CYP7B1: variants seen among roughly 807,000 people sequenced by gnomAD.
CYP7B1 encodes cytochrome P450 family 7 subfamily B member 1.
CYP7B1 carries 29 observed loss-of-function variants against 42.7 expected under a neutral mutation model. That is an observed-to-expected ratio of 0.68 (90% confidence interval 0.51 to 0.93). CYP7B1 has a LOEUF of 0.93. Among genes scored for constraint, CYP7B1 ranks in the 40% least tolerant of loss-of-function variants. CYP7B1 has a pLI of 0.00. For missense variants in CYP7B1, 655 were observed against 600.5 expected, an observed-to-expected ratio of 1.09 and a Z score of -0.95; for synonymous variants, 235 against 218.2, an observed-to-expected ratio of 1.08 and a Z score of -0.68.
chr8:64,713,646 T>C (rs1177368281), intron 1 of CYP7B1, among the ~76,000 whole-genome samples: 1 of 151,666 alleles, frequency 6.6e-6, no homozygotes, highest in African/African-American at 2.4e-5. Flanking sequence ...CTTGAAGAAA[T>C]AGCAACAGAA....
intron 1 of CYP7B1, among the ~76,000 whole-genome samples, chr8:64,646,456 T>A (rs1299364436): frequency 6.6e-6 from 1 of 152,202 alleles, no homozygotes; most frequent in African/African-American, 2.4e-5. Context: ...TCTTAAAGGC[T>A]GTAGGATTTC....
Position 64,760,470 on chromosome 8 carries a change from A to G in CYP7B1, c.122+37996T>C, listed in dbSNP as rs571936725. Among the ~76,000 whole-genome samples, 25 of 152,276 alleles carry G rather than the reference A, an allele frequency of 1.6e-4. No homozygotes were observed. The South Asian group carries it at 4.8e-3, about 29-fold the overall frequency. On this transcript the variant is annotated intron_variant, in intron 1 of 5. Transcript: ENST00000310193. ...AAAACATATTTGATAAAAGGTTAAT[A>G]TCTAAAATATATAAGGAATTCATAC...
intron 1 of CYP7B1, among the ~76,000 whole-genome samples, chr8:64,722,197 T>A (rs1807246232): frequency 6.6e-6 from 1 of 152,178 alleles, no homozygotes; most frequent in African/African-American, 2.4e-5. Context: ...TAGTTTATAA[T>A]TACAATGGAA....
At chr8:64,793,991 A>T (rs1051969138) in intron 1 of CYP7B1, among the ~76,000 whole-genome samples, 58 of 152,012 alleles carry the variant, frequency 3.8e-4, no homozygotes, top group African/African-American at 1.4e-3. Context: ...ACCAATTTAT[A>T]CTTGCTGAAG....
At chr8:64,671,132 T>A (rs199601716) in intron 1 of CYP7B1, among the ~76,000 whole-genome samples, 1 of 151,770 alleles carries the variant, frequency 6.6e-6, no homozygotes, top group Non-Finnish European at 1.5e-5. Flanking sequence ...GATATGAAAG[T>A]AGTAAGTTAC....
intron 1 of CYP7B1, among the ~76,000 whole-genome samples, chr8:64,644,041 G>A (rs977651665): frequency 6.6e-6 from 1 of 152,186 alleles, no homozygotes; most frequent in African/African-American, 2.4e-5. Flanking sequence ...TTGGGAGACT[G>A]AGGCAGGTGG....
chr8:64,686,182 G>C (rs1806638543), intron 1 of CYP7B1, among the ~76,000 whole-genome samples: 1 of 68,478 alleles, frequency 1.5e-5, no homozygotes, highest in African/African-American at 5.7e-5. Context: ...CTACTGGGAA[G>C]TGAGGAGCCC....
intron 1 of CYP7B1, among the ~76,000 whole-genome samples, chr8:64,647,531 G>C (rs962646800): frequency 3.9e-5 from 6 of 152,124 alleles, no homozygotes; most frequent in Admixed American, 2.0e-4. Flanking sequence ...ATGAAGGTTG[G>C]TAAGTCTCAT....
At position 64,681,926 on chromosome 8, in the gene CYP7B1, A is replaced by G. The variant is rs534012955; in HGVS notation, c.123-57387T>C. Among the ~76,000 whole-genome samples the G allele has an allele frequency of 2.6e-5, 4 of 152,344 alleles. No homozygotes were observed. The East Asian group carries it at 7.7e-4, about 29-fold the overall frequency. ...AATAGATAGCTAATACACATTTGGCATGGATGGTCCAGGATATAAATATGG... is the reference window on the plus strand; with the variant it reads ...AATAGATAGCTAATACACATTTGGCGTGGATGGTCCAGGATATAAATATGG... On this transcript the variant is annotated intron_variant, in intron 1 of 5. Transcript: ENST00000310193.
At chr8:64,764,229 G>GCTCCCC (rs1554539986) in intron 1 of CYP7B1, among the ~76,000 whole-genome samples, 67 of 125,150 alleles carry the variant, frequency 5.4e-4, no homozygotes, top group African/African-American at 1.9e-3. Context: ...CTTCCACGCT[G>GCTCCCC]CCCCCCCCAC....
chr8:64,730,222 C>T (rs559926785), intron 1 of CYP7B1, among the ~76,000 whole-genome samples: 60 of 151,914 alleles, frequency 3.9e-4, no homozygotes, highest in Non-Finnish European at 7.8e-4. Context: ...CCACCATGTC[C>T]GGCTAATTTT....
rs192416623 is a variant in CYP7B1 at position 64,740,982 on chromosome 8, G to A, written c.122+57484C>T. 1.3e-3 allele frequency among the ~76,000 whole-genome samples: 203 copies of A among 152,088 alleles called. 2 individuals are homozygous for A. Among genetic ancestry groups the A allele is most frequent in the Admixed American group, 3.9e-3 (59 of 15,260 alleles). ...CTTCCAGAACACTTCCTAACTCATC[G>A]TATGAGGCCAGCATCACTCTAATAG... On this transcript the variant is annotated intron_variant, in intron 1 of 5. Transcript: ENST00000310193.
Position 64,596,364 on chromosome 8 carries a change from G to C in CYP7B1, c.*278C>G, listed in dbSNP as rs1805116269. ...TGTGAAGGTACATTTATTATAACAGGTGAAAATCACAACAAGGAGAAACTA... is the reference window on the plus strand; with the variant it reads ...TGTGAAGGTACATTTATTATAACAGCTGAAAATCACAACAAGGAGAAACTA... On this transcript the variant is annotated 3_prime_UTR_variant, in exon 6 of 6. Transcript: ENST00000310193. The C allele has an allele frequency of 3.1e-6, 1 of 318,962 alleles. No individual in the cohort carries two copies. Among genetic ancestry groups the C allele is most frequent in the African/African-American group, 2.1e-5 (1 of 47,090 alleles). The allele number at this position is 318,962 out of a possible 1,614,324, so 19.8% of individuals were successfully genotyped here. A position where few individuals can be genotyped will look rare whatever the true frequency, so the allele number is the denominator to read the frequency against.
intron 1 of CYP7B1, among the ~76,000 whole-genome samples, chr8:64,676,213 C>G (rs950204107): frequency 6.6e-6 from 1 of 152,020 alleles, no homozygotes. Context: ...TATGGGGTAC[C>G]TACTCCAGAG....
At chr8:64,789,916 A>G (rs1804590575) in intron 1 of CYP7B1, among the ~76,000 whole-genome samples, 1 of 152,258 alleles carries the variant, frequency 6.6e-6, no homozygotes, top group South Asian at 2.1e-4. Flanking sequence ...GACTGAACTC[A>G]GAAGAGGAAG....
chr8:64,689,102 G>A (rs191093369), intron 1 of CYP7B1, among the ~76,000 whole-genome samples: 187 of 152,050 alleles, frequency 1.2e-3, no homozygotes, highest in African/African-American at 4.4e-3. Context: ...CAAATACATA[G>A]CATACATTTT....
intron 3 of CYP7B1, among the ~76,000 whole-genome samples, 200 bp from the exon 4 acceptor site, chr8:64,615,432 G>A (rs1169682312): frequency 7.0e-6 from 1 of 141,908 alleles, no homozygotes; most frequent in Non-Finnish European, 1.5e-5. Flanking sequence ...GGGGCGGTGT[G>A]GTGGGGGATG....
chr8:64,678,428 T>A (rs916026338), intron 1 of CYP7B1, among the ~76,000 whole-genome samples: 1 of 152,044 alleles, frequency 6.6e-6, no homozygotes, highest in African/African-American at 2.4e-5. Flanking sequence ...AGAAAAATCA[T>A]TGAAAGAAAA....
intron 1 of CYP7B1, among the ~76,000 whole-genome samples, chr8:64,742,177 T>C (rs1320268716): frequency 6.6e-6 from 1 of 152,192 alleles, no homozygotes; most frequent in African/African-American, 2.4e-5. Flanking sequence ...ACTGTCAATT[T>C]AAATATAATT....
Sources: allele counts gnomAD v4.1 joint callset (sites outside exome capture counted in the v4.1 genomes callset), GRCh38; gene constraint gnomAD v4.1.1; transcripts MANE v1.5; gene names NCBI Gene and HGNC (gene_info 2026-07-23, HGNC 2026-07-21).